The following SPIDR variants were observed in gnomAD, a reference collection of about 807,000 sequenced individuals.
The protein encoded by SPIDR is scaffold protein involved in DNA repair, also known as DNA repair-scaffolding protein.
SPIDR carries 93 observed loss-of-function variants against 104.6 expected under a neutral mutation model. The observed-to-expected ratio is 0.89, with a 90% CI of 0.75 to 1.06. The LOEUF is 1.06. SPIDR is among the 50% of genes least tolerant of loss of function. The pLI is 0.00. For synonymous variants in SPIDR, 431 were observed against 416.9 expected (o/e 1.03, Z -0.41); for missense variants, 1,154 against 1,111.2 (o/e 1.04, Z -0.55).
intron 10 of SPIDR, among the ~76,000 whole-genome samples, chr8:47,606,720 G>A (rs949204073): frequency 1.3e-5 from 2 of 152,174 alleles, no homozygotes; most frequent in African/African-American, 4.8e-5. Flanking sequence ...CTTTTGAAAA[G>A]CTGGTCAGCT....
At chr8:47,590,810 G>A (rs1472055925) in intron 8 of SPIDR, among the ~76,000 whole-genome samples, 1 of 152,116 alleles carries the variant, frequency 6.6e-6, no homozygotes. Context: ...TTTGCTTCAT[G>A]TATTTTGAAT....
chr8:47,397,513 AAAAG>A (rs1265139765), intron 6 of SPIDR, among the ~76,000 whole-genome samples: 52 of 152,310 alleles, frequency 3.4e-4, no homozygotes, highest in African/African-American at 1.0e-3. Context: ...AACAACAAAA[AAAAG>A]AAAGAAAGAG....
At chr8:47,366,254 T>A (rs1465317353) in intron 5 of SPIDR, among the ~76,000 whole-genome samples, 2 of 152,016 alleles carry the variant, frequency 1.3e-5, no homozygotes, top group Admixed American at 1.3e-4. Flanking sequence ...GGGTGTGGTG[T>A]GGCATTGGAT....
intron 5 of SPIDR, among the ~76,000 whole-genome samples, chr8:47,346,701 T>G (rs1442965500): frequency 1.3e-5 from 2 of 152,282 alleles, no homozygotes; most frequent in East Asian, 1.9e-4. Context: ...GGGTGTATGT[T>G]TGCAGGAATT....
At chr8:47,529,184 G>A (rs934132704) in intron 8 of SPIDR, among the ~76,000 whole-genome samples, 1 of 152,172 alleles carries the variant, frequency 6.6e-6, no homozygotes, top group African/African-American at 2.4e-5. Flanking sequence ...CACTTTGGGA[G>A]GCTGAGGCAG....
intron 10 of SPIDR, among the ~76,000 whole-genome samples, chr8:47,609,353 T>G (rs2154430284): frequency 6.6e-6 from 1 of 152,342 alleles, no homozygotes. Context: ...CTGTGTTTTC[T>G]TCTAAGAATT....
chr8:47,732,127 A>G (rs1279516479), intron 19 of SPIDR: 3 of 702,462 alleles, frequency 4.3e-6, no homozygotes, highest in East Asian at 2.7e-5. Context: ...ACCCCTCTTT[A>G]GAGATCCAGA....
intron 8 of SPIDR, among the ~76,000 whole-genome samples, chr8:47,522,095 C>T (rs532198945): frequency 8.0e-5 from 12 of 149,176 alleles, no homozygotes; most frequent in African/African-American, 2.5e-4. Flanking sequence ...ACCTGAGAGA[C>T]AGAGATTGCA....
At chr8:47,304,901 G>A (rs2042866293) in intron 5 of SPIDR, among the ~76,000 whole-genome samples, 1 of 152,192 alleles carries the variant, frequency 6.6e-6, no homozygotes, top group Non-Finnish European at 1.5e-5. Context: ...TCACAGTAGT[G>A]GGTTTGTTAC....
In SPIDR at chr8:47,309,653, A is replaced by G. The variant is rs190387050; in HGVS notation, c.525+15623A>G. On this transcript the variant is annotated intron_variant, in intron 5 of 19. Coordinates refer to ENST00000297423, the MANE Select transcript of SPIDR (RefSeq NM_001080394.4). Reference sequence around the variant, plus strand: ...TCCCCTCTTTCTTCTCCATCTTTTCATTTCCCAAATACTTCTGTTTTCTGA... The same window carrying G: ...TCCCCTCTTTCTTCTCCATCTTTTCGTTTCCCAAATACTTCTGTTTTCTGA... 4.6e-5 allele frequency among the ~76,000 whole-genome samples: 7 copies of G among 152,162 alleles called. No homozygotes were observed. In the East Asian group the frequency reaches 1.4e-3, roughly 29 times the overall value.
At chr8:47,459,781 A>C (rs1463329672) in intron 8 of SPIDR, among the ~76,000 whole-genome samples, 1 of 152,104 alleles carries the variant, frequency 6.6e-6, no homozygotes, top group Non-Finnish European at 1.5e-5. Flanking sequence ...AAGGCTATGA[A>C]GTTTCCTCTT....
At chr8:47,618,045 C>T (rs2064580703) in intron 10 of SPIDR, among the ~76,000 whole-genome samples, 1 of 152,244 alleles carries the variant, frequency 6.6e-6, no homozygotes, top group South Asian at 2.1e-4. Flanking sequence ...TCTTTAATGC[C>T]AGTAAGTGCA....
At chr8:47,419,604 G>A (rs1274493905) in intron 7 of SPIDR, among the ~76,000 whole-genome samples, 1 of 151,988 alleles carries the variant, frequency 6.6e-6, no homozygotes, top group African/African-American at 2.4e-5. Context: ...AAGGGTTTTT[G>A]TGTCTCTATT....
At chr8:47,396,745 TA>T (rs2061295649) in intron 6 of SPIDR, 119 bp downstream of exon 6, 1 of 1,062,420 alleles carries the variant, frequency 9.4e-7, no homozygotes, top group Admixed American at 2.5e-5. Flanking sequence ...TGGAGCTGAT[TA>T]ATGGAATGTT....
intron 8 of SPIDR, among the ~76,000 whole-genome samples, chr8:47,496,231 G>A (rs148685079): frequency 2.3e-3 from 347 of 152,060 alleles, no homozygotes; most frequent in African/African-American, 7.6e-3. Context: ...GTACAATGTC[G>A]AATAGAAGTG....
intron 7 of SPIDR, among the ~76,000 whole-genome samples, chr8:47,434,139 T>G (rs1212116321): frequency 6.6e-6 from 1 of 152,066 alleles, no homozygotes; most frequent in Admixed American, 6.6e-5. Context: ...TAGTTTGGAG[T>G]GAGTGCAGCA....
At chr8:47,564,299 G>A (rs2057490335) in intron 8 of SPIDR, among the ~76,000 whole-genome samples, 1 of 151,740 alleles carries the variant, frequency 6.6e-6, no homozygotes, top group Non-Finnish European at 1.5e-5. Flanking sequence ...GGATGGTCTC[G>A]ATCTCTTGAC....
intron 5 of SPIDR, among the ~76,000 whole-genome samples, chr8:47,344,490 G>A (rs2051458979): frequency 6.6e-6 from 1 of 152,168 alleles, no homozygotes; most frequent in Non-Finnish European, 1.5e-5. Flanking sequence ...ACCCAGTAAT[G>A]GGATGGCTGG....
intron 10 of SPIDR, among the ~76,000 whole-genome samples, chr8:47,653,031 T>C (rs1404158226): frequency 1.3e-5 from 2 of 152,164 alleles, no homozygotes; most frequent in Non-Finnish European, 2.9e-5. Context: ...CTGAAGACTA[T>C]ATAAGCAACT....
Sources: gnomAD v4.1 joint callset for allele counts (sites outside exome capture counted in the v4.1 genomes callset) on GRCh38, gnomAD v4.1.1 for gene constraint, MANE v1.5 for transcripts, NCBI Gene and HGNC (gene_info 2026-07-23, HGNC 2026-07-21) for gene names.